CHRM3: variants seen among roughly 807,000 people sequenced by gnomAD.
CHRM3 encodes muscarinic acetylcholine receptor M3.
CHRM3 carries 11 observed loss-of-function variants against 41.8 expected under a neutral mutation model. The observed-to-expected ratio is 0.26, with a 90% CI of 0.17 to 0.44. The LOEUF (loss-of-function observed/expected upper bound fraction) is 0.44. CHRM3 is among the 20% of genes least tolerant of loss of function. The pLI, the probability that CHRM3 is intolerant of heterozygous loss-of-function variation, is 1.00. For synonymous variants in CHRM3, 297 were observed against 301.4 expected, an observed-to-expected ratio of 0.99 and a Z score of 0.15; for missense variants, 571 against 745.4, an observed-to-expected ratio of 0.77 and a Z score of 2.72.
At chr1:239,872,477 C>A (rs1212989154) in intron 6 of CHRM3, among the ~76,000 whole-genome samples, 2 of 152,098 alleles carry the variant, frequency 1.3e-5, no homozygotes, top group African/African-American at 4.8e-5. Context: ...AAACACCCAC[C>A]TTGTGTGGGA....
At chr1:239,696,470 G>A (rs543833249) in intron 5 of CHRM3, among the ~76,000 whole-genome samples, 28 of 152,198 alleles carry the variant, frequency 1.8e-4, no homozygotes, top group African/African-American at 6.5e-4. Context: ...ATGACTTAGG[G>A]TAAGATCCTT....
Position 239,797,208 on chromosome 1 carries a change from A to G in CHRM3, c.-146-30044A>G, listed in dbSNP as rs551277022. On this transcript the variant is annotated intron_variant, in intron 5 of 6. Transcript: ENST00000676153. Reference sequence around the variant, plus strand: ...GACACTGAGGATTCCAAAAATTGGGAGGAAAGGAGGGGGCAAGGGCTAAAA... The same window carrying G: ...GACACTGAGGATTCCAAAAATTGGGGGGAAAGGAGGGGGCAAGGGCTAAAA... 1.6e-4 allele frequency among the ~76,000 whole-genome samples: 25 copies of G among 152,266 alleles called. 1 individual carries two copies. In the South Asian group the frequency reaches 3.7e-3, roughly 23 times the overall value.
chr1:239,832,164 T>C (rs538600408), intron 6 of CHRM3, among the ~76,000 whole-genome samples: 10 of 152,320 alleles, frequency 6.6e-5, no homozygotes, highest in African/African-American at 2.4e-4. Flanking sequence ...CCCTCCATTG[T>C]ACGGGTGGCA....
chr1:239,817,205 A>G (rs555062984), intron 5 of CHRM3, among the ~76,000 whole-genome samples: 1 of 152,156 alleles, frequency 6.6e-6, no homozygotes, highest in South Asian at 2.1e-4. Flanking sequence ...CCTGTGGGGA[A>G]AGCAAGACCA....
At chr1:239,774,554 C>T (rs754518653) in intron 5 of CHRM3, among the ~76,000 whole-genome samples, 6 of 152,104 alleles carry the variant, frequency 3.9e-5, no homozygotes, top group Non-Finnish European at 8.8e-5. Flanking sequence ...TAGTTTCCAT[C>T]AAATAAAATT....
intron 5 of CHRM3, among the ~76,000 whole-genome samples, chr1:239,740,834 G>A (rs1243010907): frequency 6.6e-6 from 1 of 152,200 alleles, no homozygotes; most frequent in Non-Finnish European, 1.5e-5. Flanking sequence ...TGGTGAGGCT[G>A]TGGAGAAATA....
chr1:239,549,680 G>C (rs1659633532), intron 3 of CHRM3, among the ~76,000 whole-genome samples: 1 of 149,832 alleles, frequency 6.7e-6, no homozygotes, highest in Non-Finnish European at 1.5e-5. Context: ...AAAAAAAATG[G>C]AGTCTCCTTC....
intron 4 of CHRM3, among the ~76,000 whole-genome samples, chr1:239,670,256 C>A (rs1162835121): frequency 2.6e-5 from 4 of 152,100 alleles, no homozygotes; most frequent in Admixed American, 2.0e-4. Context: ...CACATGCCAC[C>A]CCCACCCCAA....
intron 6 of CHRM3, among the ~76,000 whole-genome samples, chr1:239,855,517 A>G (rs1053980669): frequency 2.0e-5 from 3 of 152,158 alleles, no homozygotes; most frequent in African/African-American, 4.8e-5. Flanking sequence ...TAAATATGTC[A>G]TTTGAACCTA....
intron 1 of CHRM3, among the ~76,000 whole-genome samples, chr1:239,423,518 A>C (rs2103114133): frequency 6.6e-6 from 1 of 152,312 alleles, no homozygotes; most frequent in Non-Finnish European, 1.5e-5. Context: ...TTGGAGCAGT[A>C]TTTTGGGAAA....
intron 5 of CHRM3, among the ~76,000 whole-genome samples, chr1:239,778,178 A>G (rs1272836197): frequency 6.6e-6 from 1 of 152,214 alleles, no homozygotes; most frequent in African/African-American, 2.4e-5. Flanking sequence ...ATTAAGTTTG[A>G]CAGCAGCACA....
chr1:239,575,796 T>TA (rs143075916), intron 3 of CHRM3, among the ~76,000 whole-genome samples: 7,370 of 148,734 alleles, frequency 0.05, 220 homozygotes, highest in East Asian at 0.12. Context: ...TATATAATGG[T>TA]AAAAAAAAAA....
intron 5 of CHRM3, among the ~76,000 whole-genome samples, chr1:239,768,043 C>A (rs972687436): frequency 6.6e-6 from 1 of 151,970 alleles, no homozygotes; most frequent in Non-Finnish European, 1.5e-5. Flanking sequence ...TCAATAGATA[C>A]GATTAAAACA....
chr1:239,864,005 A>G (rs531782409), intron 6 of CHRM3, among the ~76,000 whole-genome samples: 114 of 152,256 alleles, frequency 7.5e-4, no homozygotes, highest in African/African-American at 2.2e-3. Flanking sequence ...AAAAGACCTT[A>G]GAAGAAAAAT....
chr1:239,583,926 A>G lies in CHRM3; in HGVS notation c.-313+38177A>G, dbSNP rs1269826830. ...CCTGCTGGCCAGTGAACACACCACA[A>G]ACTTAAACCTCATGATTCCATTAGA... is the stretch of plus-strand genomic sequence containing the variant. On this transcript the variant is annotated intron_variant, in intron 3 of 6. Coordinates refer to ENST00000676153, the MANE Select transcript of CHRM3 (RefSeq NM_001375978.1). Among the ~76,000 whole-genome samples the G allele has an allele frequency of 2.0e-5, 3 of 152,042 alleles. No homozygotes were observed. In the East Asian group the frequency reaches 5.8e-4, roughly 29 times the overall value.
At chr1:239,504,959 A>G (rs2148158154) in intron 2 of CHRM3, among the ~76,000 whole-genome samples, 1 of 152,268 alleles carries the variant, frequency 6.6e-6, no homozygotes, top group East Asian at 1.9e-4. Context: ...AATATGGTGC[A>G]GTGTATACTG....
chr1:239,709,735 ATTTAT>A (rs965223850), intron 5 of CHRM3, among the ~76,000 whole-genome samples: 2 of 152,178 alleles, frequency 1.3e-5, no homozygotes, highest in African/African-American at 4.8e-5. Flanking sequence ...ATTTCTAGAC[ATTTAT>A]TTTAAGTTGG....
At chr1:239,701,631 A>G (rs182208114) in intron 5 of CHRM3, among the ~76,000 whole-genome samples, 1 of 152,176 alleles carries the variant, frequency 6.6e-6, no homozygotes, top group Admixed American at 6.5e-5. Context: ...TTGCCTGATC[A>G]TTTTCCTAAA....
At chr1:239,741,724 G>A (rs1664866941) in intron 5 of CHRM3, among the ~76,000 whole-genome samples, 2 of 151,948 alleles carry the variant, frequency 1.3e-5, no homozygotes, top group African/African-American at 2.4e-5. Flanking sequence ...ACACACATAT[G>A]TACCATGCAC....
Sources: allele counts gnomAD v4.1 joint callset (sites outside exome capture counted in the v4.1 genomes callset), GRCh38; gene constraint gnomAD v4.1.1; transcripts MANE v1.5; gene names NCBI Gene and HGNC (gene_info 2026-07-23, HGNC 2026-07-21).